SC5D: variants seen among roughly 807,000 people sequenced by gnomAD.
The protein encoded by SC5D is lathosterol oxidase.
In SC5D, 21 loss-of-function variants were observed where a neutral mutation model predicts 23.9. The observed-to-expected ratio is 0.88, with a 90% confidence interval of 0.62 to 1.26. The LOEUF is 1.26. Ranked by LOEUF, SC5D falls within the 50% of genes most tolerant of loss-of-function variation. The pLI, the probability that SC5D is intolerant of heterozygous loss-of-function variation, is 0.00. For synonymous variants in SC5D, 113 were observed against 125.9 expected, an observed-to-expected ratio of 0.90 and a Z score of 0.68; for missense variants, 309 against 364.8, an observed-to-expected ratio of 0.85 and a Z score of 1.25.
At chr11:121,295,037 AT>A (rs1460627254) in intron 1 of SC5D, among the ~76,000 whole-genome samples, 3 of 152,206 alleles carry the variant, frequency 2.0e-5, no homozygotes, top group Non-Finnish European at 4.4e-5. Context: ...TCACATTTAT[AT>A]TTACATGTGG....
At chr11:121,301,791 AAGG>A (rs1394615866) in intron 1 of SC5D, among the ~76,000 whole-genome samples, 2 of 152,158 alleles carry the variant, frequency 1.3e-5, no homozygotes, top group Admixed American at 6.5e-5. Flanking sequence ...AAAACAAAAA[AAGG>A]AGGAGCATGA....
Position 121,310,778 on chromosome 11 carries a change from G to A in SC5D, c.*3266G>A, listed in dbSNP as rs541267937. Among the ~76,000 whole-genome samples, 3 of 152,076 alleles carry A rather than the reference G, an allele frequency of 2.0e-5. No individual in the cohort carries two copies. The highest frequency in any genetic ancestry group is 2.1e-4 in the South Asian group (1 of 4,798). On this transcript the variant is annotated 3_prime_UTR_variant, in exon 5 of 5. Transcript: ENST00000264027. ...CCCAGCCCCTTCTGTCCCTTCTAAC[G>A]TGAGGACCCAGCAACAAGGTACCAT...
At chr11:121,306,274 T>G (rs927606605) in intron 3 of SC5D, 112 bp from the exon 4 acceptor site, 2 of 706,832 alleles carry the variant, frequency 2.8e-6, no homozygotes, top group African/African-American at 1.8e-5. Context: ...AACAGATCAT[T>G]TATAATGTTT....
chr11:121,294,833 G>A (rs1362894925), intron 1 of SC5D, among the ~76,000 whole-genome samples: 2 of 152,230 alleles, frequency 1.3e-5, no homozygotes, highest in East Asian at 3.8e-4. Flanking sequence ...ACATGGCACT[G>A]TGGGGAACAT....
In SC5D at chr11:121,309,394, G is replaced by A. The variant is rs537323098; in HGVS notation, c.*1882G>A. ...CACATGGCCCACCTAGAGAGATTTT[G>A]GGAAATGTGTCCAGCTGTGTGCCTG... On this transcript the variant is annotated 3_prime_UTR_variant, in exon 5 of 5. Coordinates refer to ENST00000264027, the MANE Select transcript of SC5D (RefSeq NM_006918.5). 6.6e-6 allele frequency among the ~76,000 whole-genome samples: 1 copy of A among 152,248 alleles called. No homozygotes were observed. The highest frequency in any genetic ancestry group is 2.1e-4 in the South Asian group (1 of 4,820).
At chr11:121,297,658 T>C (rs1339746481) in intron 1 of SC5D, among the ~76,000 whole-genome samples, 1 of 152,160 alleles carries the variant, frequency 6.6e-6, no homozygotes, top group Non-Finnish European at 1.5e-5. Context: ...CGTTTTATAG[T>C]GGTAGTAAGG....
rs571652848 is a variant in SC5D at position 121,304,203 on chromosome 11, A to G, written c.211-158A>G. 2.5e-5 allele frequency: 16 copies of G among 633,112 alleles called. No individual in the cohort carries two copies. The African/African-American group carries it at 2.8e-4, about 11-fold the overall frequency. 39.2% of individuals were successfully genotyped at this position (633,112 alleles called of 1,614,324 possible). A position where few individuals can be genotyped will look rare whatever the true frequency, so the allele number is the denominator to read the frequency against. On this transcript the variant is annotated intron_variant, in intron 2 of 4. Transcript: ENST00000264027. Reference sequence around the variant, plus strand: ...AGTACAAAAGGAATGATTTTCTTACATACCTATTTTTATGTATTTAAAATT... The same window carrying G: ...AGTACAAAAGGAATGATTTTCTTACGTACCTATTTTTATGTATTTAAAATT...
At position 121,304,811 on chromosome 11, in the gene SC5D, T is replaced by A. The variant is rs149125729; in HGVS notation, c.343+318T>A. 124 of 289,016 alleles carry A rather than the reference T, an allele frequency of 4.3e-4. 1 individual carries two copies. The East Asian group carries it at 9.8e-3, about 23-fold the overall frequency. The allele number at this position is 289,016 out of a possible 1,614,324, so 17.9% of individuals were successfully genotyped here. Reference sequence around the variant, plus strand: ...AAAAAACTTGAGTAGCTTATGTCATTGCTGAAAGTTAAAAACAGATTTTTA... The same window carrying A: ...AAAAAACTTGAGTAGCTTATGTCATAGCTGAAAGTTAAAAACAGATTTTTA... On this transcript the variant is annotated intron_variant, in intron 3 of 4. Coordinates refer to ENST00000264027, the MANE Select transcript of SC5D (RefSeq NM_006918.5).
chr11:121,301,659 T>A (rs1010564062), intron 1 of SC5D, among the ~76,000 whole-genome samples: 1 of 152,176 alleles, frequency 6.6e-6, no homozygotes, highest in South Asian at 2.1e-4. Flanking sequence ...GTGCTGAAAA[T>A]GTTCTGAAAC....
At chr11:121,295,754 C>T (rs937090431) in intron 1 of SC5D, among the ~76,000 whole-genome samples, 21 of 152,180 alleles carry the variant, frequency 1.4e-4, no homozygotes, top group African/African-American at 4.8e-4. Context: ...TCCTACCCTA[C>T]CCAAATCTGC....
At chr11:121,297,862 A>T (rs1947900251) in intron 1 of SC5D, among the ~76,000 whole-genome samples, 1 of 152,254 alleles carries the variant, frequency 6.6e-6, no homozygotes, top group African/African-American at 2.4e-5. Context: ...GGAAGAATTC[A>T]GAAACTTAGG....
intron 1 of SC5D, among the ~76,000 whole-genome samples, chr11:121,301,621 C>A (rs572080221): frequency 1.6e-4 from 25 of 152,214 alleles, no homozygotes; most frequent in African/African-American, 5.8e-4. Flanking sequence ...AGAAGTTCAA[C>A]AGTATAGGGT....
At position 121,308,471 on chromosome 11, in the gene SC5D, C is replaced by T. The variant is rs144116523; in HGVS notation, c.*959C>T. On this transcript the variant is annotated 3_prime_UTR_variant, in exon 5 of 5. Transcript: ENST00000264027. Reference sequence around the variant, plus strand: ...GACGATTAGTTCTAAAATCTTATTCCTCCTCTTCTCCCCTCACTTTTCCCT... The same window carrying T: ...GACGATTAGTTCTAAAATCTTATTCTTCCTCTTCTCCCCTCACTTTTCCCT... The T allele has an allele frequency of 6.6e-6, 1 of 152,384 alleles. No homozygotes were observed. Among genetic ancestry groups the T allele is most frequent in the East Asian group, 1.9e-4 (1 of 5,190 alleles). 9.4% of individuals were successfully genotyped at this position (152,384 alleles called of 1,614,324 possible). A position where few individuals can be genotyped will look rare whatever the true frequency, so the allele number is the denominator to read the frequency against.
chr11:121,305,607 G>C (rs2134269336), intron 3 of SC5D: 1 of 152,296 alleles, frequency 6.6e-6, no homozygotes, highest in East Asian at 1.9e-4. Context: ...CACACCTGTA[G>C]TCCCAGCTAC....
In SC5D at chr11:121,310,332, A is replaced by G. The variant is rs1403514992; in HGVS notation, c.*2820A>G. On this transcript the variant is annotated 3_prime_UTR_variant, in exon 5 of 5. Coordinates refer to ENST00000264027, the MANE Select transcript of SC5D (RefSeq NM_006918.5). ...CTCCAAAATTCAAATGTGGAAATGT[A>G]TTTGCCAGTGAGATAGTATGTAGAG... Among the ~76,000 whole-genome samples the G allele has an allele frequency of 1.3e-5, 2 of 152,230 alleles. No homozygotes were observed. Among genetic ancestry groups the G allele is most frequent in the South Asian group, 2.1e-4 (1 of 4,826 alleles).
intron 1 of SC5D, among the ~76,000 whole-genome samples, chr11:121,299,061 G>T (rs991631320): frequency 2.6e-5 from 4 of 152,216 alleles, no homozygotes; most frequent in Non-Finnish European, 5.9e-5. Flanking sequence ...GGGCTCAGAG[G>T]CCTGACAATA....
chr11:121,307,769 A>G lies in SC5D; in HGVS notation c.*257A>G. The G allele has an allele frequency of 2.5e-6, 1 of 396,274 alleles. No individual in the cohort carries two copies. The highest frequency in any genetic ancestry group is 4.5e-6 in the Non-Finnish European group (1 of 220,282). The allele number at this position is 396,274 out of a possible 1,614,324, so 24.5% of individuals were successfully genotyped here. A position where few individuals can be genotyped will look rare whatever the true frequency, so the allele number is the denominator to read the frequency against. Reference sequence around the variant, plus strand: ...GGACAACTTGTATCTTTCTAGCAGCAGATCTGTAGTTTGTATAGCCTCAAC... The same window carrying G: ...GGACAACTTGTATCTTTCTAGCAGCGGATCTGTAGTTTGTATAGCCTCAAC... On this transcript the variant is annotated 3_prime_UTR_variant, in exon 5 of 5. Coordinates refer to ENST00000264027, the MANE Select transcript of SC5D (RefSeq NM_006918.5).
At chr11:121,303,793 A>ACG in intron 2 of SC5D, 1 of 546,848 alleles carries the variant, frequency 1.8e-6, no homozygotes, top group Non-Finnish European at 3.2e-6. Flanking sequence ...ATAAAACTAT[A>ACG]AGTCTAGTAT....
chr11:121,304,225 A>C, intron 2 of SC5D, 136 bp from the exon 3 acceptor site: 1 of 724,296 alleles, frequency 1.4e-6, no homozygotes, highest in Non-Finnish European at 2.3e-6. Flanking sequence ...ATGTATTTAA[A>C]ATTTTAATAG....
Sources: gnomAD v4.1 joint callset for allele counts (sites outside exome capture counted in the v4.1 genomes callset) on GRCh38, gnomAD v4.1.1 for gene constraint, MANE v1.5 for transcripts, NCBI Gene and HGNC (gene_info 2026-07-23, HGNC 2026-07-21) for gene names.